The following NLGN1 variants were observed in gnomAD, a reference collection of about 807,000 sequenced individuals.
The protein encoded by NLGN1 is neuroligin 1.
NLGN1 carries 12 observed loss-of-function variants against 65.5 expected under a neutral mutation model. The observed-to-expected ratio is 0.18, with a 90% CI of 0.12 to 0.30. The LOEUF is 0.30. Among genes scored for constraint, NLGN1 ranks in the 10% least tolerant of loss-of-function variants. The pLI is 1.00. For missense variants in NLGN1, 750 were observed against 1,007.1 expected (o/e 0.74, Z 3.46); for synonymous variants, 350 against 359.5 (o/e 0.97, Z 0.30).
intron 1 of NLGN1, among the ~76,000 whole-genome samples, chr3:173,428,856 G>A (rs1716649411): frequency 6.6e-6 from 1 of 151,706 alleles, no homozygotes; most frequent in South Asian, 2.1e-4. Flanking sequence ...CTTAGCTTTT[G>A]TGTGTCTGGA....
intron 2 of NLGN1, among the ~76,000 whole-genome samples, chr3:173,564,718 A>G (rs763890375): frequency 2.0e-5 from 3 of 152,246 alleles, no homozygotes; most frequent in Non-Finnish European, 4.4e-5. Flanking sequence ...GACATGTTGC[A>G]AACACAAGAA....
At chr3:174,132,014 A>G (rs772793139) in intron 4 of NLGN1, among the ~76,000 whole-genome samples, 14 of 152,220 alleles carry the variant, frequency 9.2e-5, no homozygotes, top group Non-Finnish European at 1.6e-4. Flanking sequence ...TGCCTTGGAT[A>G]TAACAGAAAA....
chr3:174,182,876 T>G (rs1224800429), intron 4 of NLGN1, among the ~76,000 whole-genome samples: 3 of 152,106 alleles, frequency 2.0e-5, no homozygotes, highest in Admixed American at 2.0e-4. Context: ...ATTGCCGCTG[T>G]CTCTCTACCC....
At chr3:173,690,195 G>C (rs996433300) in intron 3 of NLGN1, among the ~76,000 whole-genome samples, 3 of 152,154 alleles carry the variant, frequency 2.0e-5, no homozygotes, top group African/African-American at 7.2e-5. Context: ...GTGGATTCAG[G>C]TTAGAACGGC....
intron 3 of NLGN1, among the ~76,000 whole-genome samples, chr3:173,640,450 T>C: frequency 6.6e-6 from 1 of 152,152 alleles, no homozygotes; most frequent in Non-Finnish European, 1.5e-5. Flanking sequence ...ACAACGTTTT[T>C]GAATCATTTT....
At chr3:173,732,552 A>G (rs1773020458) in intron 3 of NLGN1, among the ~76,000 whole-genome samples, 1 of 152,134 alleles carries the variant, frequency 6.6e-6, no homozygotes, top group Admixed American at 6.6e-5. Context: ...AGTTTCATTC[A>G]TGAGATAACC....
At chr3:173,633,935 AC>A (rs1756159091) in intron 3 of NLGN1, among the ~76,000 whole-genome samples, 1 of 152,142 alleles carries the variant, frequency 6.6e-6, no homozygotes, top group South Asian at 2.1e-4. Flanking sequence ...TATACTCACA[AC>A]ACTGTAAGGC....
intron 4 of NLGN1, among the ~76,000 whole-genome samples, chr3:174,042,349 A>G (rs953579614): frequency 1.3e-5 from 2 of 152,108 alleles, no homozygotes; most frequent in Non-Finnish European, 2.9e-5. Flanking sequence ...AGCGTTTCAT[A>G]TTTTACAGTT....
chr3:174,211,469 T>C (rs900896308), intron 4 of NLGN1, among the ~76,000 whole-genome samples: 6 of 146,294 alleles, frequency 4.1e-5, no homozygotes, highest in East Asian at 2.1e-4. Context: ...GGTTGTTGCA[T>C]TCACAAACCT....
intron 3 of NLGN1, among the ~76,000 whole-genome samples, chr3:173,622,955 TA>T (rs1285213511): frequency 1.3e-5 from 2 of 152,118 alleles, no homozygotes; most frequent in Non-Finnish European, 2.9e-5. Flanking sequence ...CCAGATCATT[TA>T]GCAAATAAAT....
intron 4 of NLGN1, among the ~76,000 whole-genome samples, chr3:174,094,800 C>T (rs1195325525): frequency 1.7e-5 from 2 of 116,438 alleles, no homozygotes; most frequent in African/African-American, 3.1e-5. Flanking sequence ...AAAAAGGAAA[C>T]CATAGGCAGC....
At chr3:173,749,680 A>C (rs1482887542) in intron 3 of NLGN1, among the ~76,000 whole-genome samples, 1 of 152,078 alleles carries the variant, frequency 6.6e-6, no homozygotes, top group Non-Finnish European at 1.5e-5. Context: ...CAAAAAAAAA[A>C]TAATATTAAC....
chr3:174,018,432 A>G (rs1337504337), intron 4 of NLGN1, among the ~76,000 whole-genome samples: 2 of 152,180 alleles, frequency 1.3e-5, no homozygotes, highest in Non-Finnish European at 2.9e-5. Context: ...TTCACAATTT[A>G]TGTTCAGAGA....
Position 174,280,771 on chromosome 3 carries a change from C to A in NLGN1, c.1940C>A (p.Thr647Lys), listed in dbSNP as rs200936288. 22 of 1,613,372 alleles carry A rather than the reference C, an allele frequency of 1.4e-5. No individual in the cohort carries two copies. The East Asian group carries it at 4.7e-4, about 34-fold the overall frequency. Residue 647 changes from threonine (T) to lysine (K), a missense_variant, in exon 7 of 7, where the codon ACG becomes AAG. Transcript: ENST00000457714. This position sits in a 1 kb window ranked among gnomAD's most constrained non-coding sequence, Gnocchi z 4.9. ...ACGAGAAAAAATTCTGTACCTGTCA[C>A]GTCAGCCTTTCCCACTGCCAAGCAG... is the stretch of plus-strand genomic sequence containing the variant.
chr3:173,885,578 G>A (rs1734184017), intron 4 of NLGN1, among the ~76,000 whole-genome samples: 1 of 151,920 alleles, frequency 6.6e-6, no homozygotes, highest in East Asian at 1.9e-4. Flanking sequence ...TAAATATATA[G>A]TAAATAGGAA....
intron 2 of NLGN1, among the ~76,000 whole-genome samples, chr3:173,553,315 G>T (rs1322737512): frequency 6.6e-6 from 1 of 152,106 alleles, no homozygotes; most frequent in Non-Finnish European, 1.5e-5. Flanking sequence ...TCAAGAAGAG[G>T]TTCTAAATAT....
intron 3 of NLGN1, among the ~76,000 whole-genome samples, chr3:173,798,648 C>T (rs1714709381): frequency 6.6e-6 from 1 of 151,972 alleles, no homozygotes; most frequent in Non-Finnish European, 1.5e-5. Flanking sequence ...TCTATGTTTT[C>T]TGTTAATGGA....
chr3:173,647,280 A>T (rs966567708), intron 3 of NLGN1, among the ~76,000 whole-genome samples: 4 of 152,168 alleles, frequency 2.6e-5, no homozygotes, highest in African/African-American at 9.6e-5. Context: ...TAATTGATAG[A>T]ATCAGTAGAC....
intron 4 of NLGN1, among the ~76,000 whole-genome samples, chr3:173,928,140 T>A (rs1207782814): frequency 1.3e-5 from 2 of 152,226 alleles, no homozygotes; most frequent in Non-Finnish European, 2.9e-5. Context: ...TTTTACAACC[T>A]AAGTTGTGAG....
Sources: gnomAD v4.1 joint callset for allele counts (sites outside exome capture counted in the v4.1 genomes callset) on GRCh38, gnomAD v4.1.1 for gene constraint, Gnocchi (gnomAD v3.1) non-coding constraint, MANE v1.5 for transcripts, NCBI Gene and HGNC (gene_info 2026-07-23, HGNC 2026-07-21) for gene names.